Variants in ZNF99 observed in about 807,000 individuals in gnomAD.
ZNF99 encodes zinc finger protein 99, also known as zinc finger protein ENSP00000375192.
ZNF99 carries 8 observed loss-of-function variants against 12.8 expected under a neutral mutation model. The observed-to-expected ratio is 0.62, with a 90% CI of 0.37 to 1.13. ZNF99 has a LOEUF of 1.13. ZNF99 is among the 50% of genes most tolerant of loss of function. The pLI, the probability that ZNF99 is intolerant of heterozygous loss-of-function variation, is 0.02. For missense variants in ZNF99, 1,007 were observed against 1,006.2 expected (o/e 1.00, Z -0.01); for synonymous variants, 318 against 319.0 (o/e 1.00, Z 0.03).
At chr19:22,769,816 ACT>A in intron 1 of ZNF99, 1 of 1,257,984 alleles carries the variant, frequency 7.9e-7, no homozygotes, top group South Asian at 1.4e-5. Context: ...GTATTCTCAA[ACT>A]CTGAGAAAAA....
In ZNF99 at chr19:22,756,302, C is replaced by G. The variant is rs71357933; in HGVS notation, c.*1012G>C. On this transcript the variant is annotated 3_prime_UTR_variant, in exon 4 of 4. Transcript: ENST00000596209. ...TTCTTCACATTTGTAGGTTTTCCCT[C>G]CAGTATGAATTGTTTTATGTTGAGT... 6.7e-5 allele frequency: 106 copies of G among 1,573,694 alleles called. 2 individuals are homozygous for G. The highest frequency in any genetic ancestry group is 8.9e-5 in the Non-Finnish European group (103 of 1,159,702).
At chr19:22,761,275 C>T (rs193057396) in intron 3 of ZNF99, among the ~76,000 whole-genome samples, 1 of 152,150 alleles carries the variant, frequency 6.6e-6, no homozygotes, top group East Asian at 1.9e-4. Context: ...ATGAAAATGG[C>T]TTGCTATTCA....
At chr19:22,764,431 A>C (rs1973183103) in intron 3 of ZNF99, among the ~76,000 whole-genome samples, 1 of 152,210 alleles carries the variant, frequency 6.6e-6, no homozygotes, top group South Asian at 2.1e-4. Context: ...AAATGCAATT[A>C]AAACAAACAT....
chr19:22,781,544 T>C (rs1292563498), intron 1 of ZNF99, among the ~76,000 whole-genome samples: 1 of 152,106 alleles, frequency 6.6e-6, no homozygotes, highest in Non-Finnish European at 1.5e-5. Context: ...AGAAATTATT[T>C]CTGTGTTTTC....
At chr19:22,761,212 T>TA (rs1395618492) in intron 3 of ZNF99, among the ~76,000 whole-genome samples, 2 of 152,104 alleles carry the variant, frequency 1.3e-5, no homozygotes, top group Admixed American at 6.5e-5. Context: ...CAGACCACTA[T>TA]AAAAAATTTT....
In ZNF99 at chr19:22,753,827, TGTGA is replaced by T. The variant is rs1973005788; in HGVS notation, c.*3483_*3486del. ...ATAAATGCTTTCCTATGCGATAAGG[TGTGA>T]GTATTGGTTAAATATTTTGCCACAT... On this transcript the variant is annotated 3_prime_UTR_variant, in exon 4 of 4. Transcript: ENST00000596209. 1 of 286,328 alleles carries T rather than the reference TGTGA, an allele frequency of 3.5e-6. No homozygotes were observed. 17.7% of individuals were successfully genotyped at this position (286,328 alleles called of 1,614,324 possible).
chr19:22,778,754 C>A (rs1187086539), intron 1 of ZNF99, among the ~76,000 whole-genome samples: 3 of 152,052 alleles, frequency 2.0e-5, no homozygotes, highest in Non-Finnish European at 2.9e-5. Context: ...ACCTGTAATC[C>A]CAGCACTTTG....
At chr19:22,770,663 A>T (rs1245056011) in intron 1 of ZNF99, 1 of 150,742 alleles carries the variant, frequency 6.6e-6, no homozygotes, top group African/African-American at 2.4e-5. Flanking sequence ...CTCAGACAGC[A>T]CTTTAATCAA....
intron 1 of ZNF99, among the ~76,000 whole-genome samples, chr19:22,776,582 A>C (rs1973331356): frequency 6.6e-6 from 1 of 151,644 alleles, no homozygotes; most frequent in Non-Finnish European, 1.5e-5. Context: ...AAAATAACAG[A>C]TGCTGGCAGT....
intron 3 of ZNF99, among the ~76,000 whole-genome samples, chr19:22,767,972 T>A (rs952740234): frequency 1.3e-5 from 2 of 152,144 alleles, no homozygotes; most frequent in African/African-American, 2.4e-5. Context: ...CCAGGTTTTT[T>A]AAAAATAGTT....
In ZNF99 at chr19:22,753,947, T is replaced by C. The variant is rs1265585518; in HGVS notation, c.*3367A>G. The C allele has an allele frequency of 2.2e-6, 1 of 444,892 alleles. No individual in the cohort carries two copies. Among genetic ancestry groups the C allele is most frequent in the African/African-American group, 2.0e-5 (1 of 49,722 alleles). 27.6% of individuals were successfully genotyped at this position (444,892 alleles called of 1,614,324 possible). ...TGACATGACTCACATCTAGGGCTTC[T>C]TGACACTATGATTTCTTTTATGTTT... On this transcript the variant is annotated 3_prime_UTR_variant, in exon 4 of 4. Coordinates refer to ENST00000596209, the MANE Select transcript of ZNF99 (RefSeq NM_001080409.3).
At chr19:22,780,894 G>A in intron 1 of ZNF99, among the ~76,000 whole-genome samples, 1 of 152,042 alleles carries the variant, frequency 6.6e-6, no homozygotes, top group East Asian at 1.9e-4. Context: ...CTTTTCTTGT[G>A]GAAATATGTG....
chr19:22,758,844 G>T lies in ZNF99; in HGVS notation c.1065C>A (p.Thr355=). 1 of 1,605,502 alleles carries T rather than the reference G, an allele frequency of 6.2e-7. No homozygotes were observed. Among genetic ancestry groups the T allele is most frequent in the South Asian group, 1.1e-5 (1 of 90,426 alleles). The change falls in exon 4 of 4, where the codon ACC becomes ACA. Residue 355 remains threonine (T), a synonymous_variant. Coordinates refer to ENST00000596209, the MANE Select transcript of ZNF99 (RefSeq NM_001080409.3). ...ECGKAFSQSS[T]LRKHEIIHTE... is the part of the protein sequence containing the mutation. ...TATGAATTATCTCATGTTTTCTAAG[G>T]GTTGAGGACTGGCTAAAAGCTTTGC...
chr19:22,762,371 C>A (rs1255309334), intron 3 of ZNF99, among the ~76,000 whole-genome samples: 1 of 152,002 alleles, frequency 6.6e-6, no homozygotes, highest in Non-Finnish European at 1.5e-5. Context: ...TTTAAGTGCA[C>A]TAACTAGAAA....
In ZNF99 at chr19:22,752,420, T is replaced by A. The variant is rs548779497; in HGVS notation, c.*4894A>T. 3.3e-5 allele frequency: 5 copies of A among 151,814 alleles called. No homozygotes were observed. In the South Asian group the frequency reaches 1.0e-3, roughly 32 times the overall value. 9.4% of individuals were successfully genotyped at this position (151,814 alleles called of 1,614,324 possible). A position where few individuals can be genotyped will look rare whatever the true frequency, so the allele number is the denominator to read the frequency against. On this transcript the variant is annotated 3_prime_UTR_variant, in exon 4 of 4. Transcript: ENST00000596209. Reference sequence around the variant, plus strand: ...ATATGCTATATATGGCAGAAATATATCTACACACTATGTACCCATAAAAGT... The same window carrying A: ...ATATGCTATATATGGCAGAAATATAACTACACACTATGTACCCATAAAAGT...
At chr19:22,770,107 A>C in intron 1 of ZNF99, 1 of 960,278 alleles carries the variant, frequency 1.0e-6, no homozygotes, top group South Asian at 2.2e-5. Flanking sequence ...CTCACCAGTA[A>C]TGCCTGTTTT....
intron 3 of ZNF99, among the ~76,000 whole-genome samples, chr19:22,766,567 G>A (rs1292215575): frequency 6.6e-6 from 1 of 151,662 alleles, no homozygotes; most frequent in African/African-American, 2.4e-5. Context: ...TCAAACTCCT[G>A]ACCTCGTGAT....
Position 22,758,008 on chromosome 19 carries a change from G to A in ZNF99, c.1901C>T (p.Ser634Leu). ...EECGKAFSQSSTLRKHEIIHT... is the reference protein window; with the variant it reads ...EECGKAFSQSLTLRKHEIIHT... ...AATTATCTCATGTTTTCTAAGGGTT[G>A]AGGACTGGCTAAAAGCTTTGCCACA... Residue 634 changes from serine (S) to leucine (L), a missense_variant, in exon 4 of 4, where the codon TCA (serine) becomes TTA (leucine). Transcript: ENST00000596209. 1.9e-6 allele frequency: 3 copies of A among 1,611,832 alleles called. No homozygotes were observed. Among genetic ancestry groups the A allele is most frequent in the Non-Finnish European group, 2.5e-6 (3 of 1,178,632 alleles).
Position 22,784,029 on chromosome 19 carries a change from A to C in ZNF99, c.-13T>G, listed in dbSNP as rs766523772. 8 of 1,613,624 alleles carry C rather than the reference A, an allele frequency of 5.0e-6. No individual in the cohort carries two copies. Among genetic ancestry groups the C allele is most frequent in the Non-Finnish European group, 6.8e-6 (8 of 1,179,912 alleles). The stretch of plus-strand genomic sequence containing the variant: ...GCACTCTCACCATTTCTAAGCTTCC[A>C]GGGGGTCCTGGCGTCCTAGCTGTGG... On this transcript the variant is annotated 5_prime_UTR_variant, in exon 1 of 4. Transcript: ENST00000596209.
Sources: allele counts gnomAD v4.1 joint callset (sites outside exome capture counted in the v4.1 genomes callset), GRCh38; gene constraint gnomAD v4.1.1; transcripts MANE v1.5; gene names NCBI Gene and HGNC (gene_info 2026-07-23, HGNC 2026-07-21).